The following SERPINB12 variants were observed in gnomAD, a reference collection of about 807,000 sequenced individuals.
SERPINB12 encodes serpin B12.
SERPINB12 carries 57 observed loss-of-function variants against 41.1 expected under a neutral mutation model. The ratio of observed to expected loss-of-function variants is 1.39; its 90% confidence interval spans 1.12 to 1.73. The LOEUF is 1.73. SERPINB12 is among the 40% of genes most tolerant of loss of function. The pLI is 0.00. For synonymous variants in SERPINB12, 180 were observed against 181.3 expected, an observed-to-expected ratio of 0.99 and a Z score of 0.06; for missense variants, 536 against 501.9, an observed-to-expected ratio of 1.07 and a Z score of -0.65.
intron 3 of SERPINB12, among the ~76,000 whole-genome samples, chr18:63,559,046 CT>C (rs1319103393): frequency 1.1e-5 from 1 of 91,612 alleles, no homozygotes; most frequent in African/African-American, 3.1e-5. Context: ...TTCTTTCTTT[CT>C]TTCTTTCTTT....
intron 6 of SERPINB12, 37 bp from the exon 7 acceptor site, chr18:63,565,408 A>G (rs540505524): frequency 3.1e-6 from 5 of 1,588,578 alleles, no homozygotes; most frequent in East Asian, 2.3e-5. Context: ...GGAGTTTCCC[A>G]TAGCCGTCCT....
the SERPINB12 span, among the ~76,000 whole-genome samples, chr18:63,523,428 G>A: frequency 6.6e-6 from 1 of 152,152 alleles, no homozygotes; most frequent in East Asian, 1.9e-4. Flanking sequence ...GATTGCTTCC[G>A]CATATGGGAA....
chr18:63,549,531 C>A (rs976954694), intron 1 of SERPINB12, among the ~76,000 whole-genome samples: 2 of 147,892 alleles, frequency 1.4e-5, no homozygotes, highest in African/African-American at 5.0e-5. Context: ...TCATGTAAGT[C>A]ACTCCCAATT....
rs529362878 is a variant in SERPINB12, at chr18:63,568,674, C to T, written c.*1663C>T. Among the ~76,000 whole-genome samples, 1 of 152,278 alleles carries T rather than the reference C, an allele frequency of 6.6e-6. No homozygotes were observed. Among genetic ancestry groups the T allele is most frequent in the South Asian group, 2.1e-4 (1 of 4,824 alleles). On this transcript the variant is annotated 3_prime_UTR_variant, in exon 8 of 8. Transcript: ENST00000382768. ...TGCTTGCGGCTCAGTTTCCTTGGCC[C>T]ACCTTGTGGCTGTCCTCCTCCCAGC...
the SERPINB12 span, among the ~76,000 whole-genome samples, chr18:63,530,240 G>A: frequency 6.6e-6 from 1 of 152,186 alleles, no homozygotes; most frequent in African/African-American, 2.4e-5. Context: ...CACAAGGATA[G>A]TGTTTTGAGG....
the SERPINB12 span, among the ~76,000 whole-genome samples, chr18:63,531,301 T>A: frequency 1.9e-3 from 295 of 152,352 alleles, 2 homozygotes; most frequent in African/African-American, 6.7e-3. Flanking sequence ...TTTGGATTAC[T>A]AATTTGTGCC....
At chr18:63,529,594 T>C in the SERPINB12 span, among the ~76,000 whole-genome samples, 1 of 152,166 alleles carries the variant, frequency 6.6e-6, no homozygotes, top group Non-Finnish European at 1.5e-5. Context: ...TTGACAGTTT[T>C]CTACTGGCCC....
intron 1 of SERPINB12, among the ~76,000 whole-genome samples, chr18:63,548,296 A>G (rs866889246): frequency 2.0e-5 from 3 of 151,540 alleles, no homozygotes; most frequent in South Asian, 2.1e-4. Context: ...AAAATGTTAC[A>G]CATTTCAGAT....
At chr18:63,546,993 T>A (rs1395168373) in intron 1 of SERPINB12, among the ~76,000 whole-genome samples, 1 of 152,188 alleles carries the variant, frequency 6.6e-6, no homozygotes, top group Non-Finnish European at 1.5e-5. Flanking sequence ...CAATGAACAC[T>A]GAATTGGAAA....
chr18:63,527,608 G>T, the SERPINB12 span, among the ~76,000 whole-genome samples: 1 of 152,128 alleles, frequency 6.6e-6, no homozygotes, highest in South Asian at 2.1e-4. Context: ...TCTATCTGCT[G>T]TAATTGAAGT....
Position 63,558,473 on chromosome 18 carries a change from C to G in SERPINB12, c.290C>G (p.Pro97Arg). 6.2e-7 allele frequency: 1 copy of G among 1,611,466 alleles called. No individual in the cohort carries two copies. Residue 97 changes from proline to arginine, a missense_variant, in exon 3 of 8, where the codon CCT (proline) becomes CGT (arginine). By Grantham distance (103) the Pro-to-Arg change is moderately radical. Coordinates refer to ENST00000382768, the MANE Select transcript of SERPINB12 (RefSeq NM_001307928.2). ...GAGGGGCAGAAAAAAACGACAGAGC[C>G]TCTGGATCAGCAGGTGAACCGCCAC... is the stretch of plus-strand genomic sequence containing the variant. Reference protein sequence around the residue: ...SLEGQKKTTEPLDQQAGSLNN... With the variant: ...SLEGQKKTTERLDQQAGSLNN...
chr18:63,551,267 TCAAACAAA>T (rs1012423640), intron 1 of SERPINB12, among the ~76,000 whole-genome samples: 1 of 151,794 alleles, frequency 6.6e-6, no homozygotes, highest in African/African-American at 2.4e-5. Context: ...AGACTCCATC[TCAAACAAA>T]CAAACAAAGA....
chr18:63,539,320 TA>T (rs1161561791), upstream of SERPINB12, among the ~76,000 whole-genome samples: 1 of 152,014 alleles, frequency 6.6e-6, no homozygotes, highest in African/African-American at 2.4e-5. Flanking sequence ...CTAAAGAAAA[TA>T]AAGTCTATTC....
chr18:63,565,452 AC>A lies in SERPINB12; in HGVS notation c.714del (p.Asn238LysfsTer4). Reference sequence around the variant, plus strand: ...CTACCTTGACTACTACAGAATGAAAACAAGAGTGTGAAGATGATGACGCAAA... The same window carrying A: ...CTACCTTGACTACTACAGAATGAAAAAAGAGTGTGAAGATGATGACGCAAA... The part of the protein sequence containing the change: ...DAPFCLNANE[N>X]KSVKMMTQKG... On this transcript the variant is annotated frameshift_variant, in exon 7 of 8. Transcript: ENST00000382768. LOFTEE classifies it high-confidence loss of function. 4 of 1,613,012 alleles carry A rather than the reference AC, an allele frequency of 2.5e-6. No individual in the cohort carries two copies. Among genetic ancestry groups the A allele is most frequent in the Non-Finnish European group, 3.4e-6 (4 of 1,179,574 alleles).
upstream of SERPINB12, among the ~76,000 whole-genome samples, chr18:63,537,662 C>T (rs1011011181): frequency 2.0e-5 from 3 of 152,078 alleles, no homozygotes; most frequent in Admixed American, 6.6e-5. Context: ...TCTAGGGAGG[C>T]AACTACAACA....
At chr18:63,544,636 C>G (rs2144315118) in intron 1 of SERPINB12, among the ~76,000 whole-genome samples, 1 of 152,192 alleles carries the variant, frequency 6.6e-6, no homozygotes, top group South Asian at 2.1e-4. Context: ...GGACAGCTGA[C>G]ATTTTTTCAA....
upstream of SERPINB12, among the ~76,000 whole-genome samples, chr18:63,537,491 A>G (rs1454101768): frequency 3.3e-5 from 5 of 152,220 alleles, no homozygotes; most frequent in African/African-American, 7.2e-5. Flanking sequence ...GTAATGATAG[A>G]GTTGGAACAG....
chr18:63,561,072 T>C lies in SERPINB12; in HGVS notation c.445-13T>C, dbSNP rs375718377. ...CTTTATTGCATTATTTCCCTTTTAT[T>C]CCAATGGAACAGGAATACTTAGATG... On this transcript the variant is annotated splice_polypyrimidine_tract_variant and intron_variant, in intron 4 of 7. Transcript: ENST00000382768. The C allele has an allele frequency of 1.6e-5, 25 of 1,534,454 alleles. No individual in the cohort carries two copies. Among genetic ancestry groups the C allele is most frequent in the Non-Finnish European group, 2.2e-5 (24 of 1,109,152 alleles).
chr18:63,537,845 C>G (rs1200850261), upstream of SERPINB12, among the ~76,000 whole-genome samples: 1 of 152,098 alleles, frequency 6.6e-6, no homozygotes, highest in East Asian at 1.9e-4. Flanking sequence ...AGTCTTTGCA[C>G]TTGGAGATGA....
Sources: gnomAD v4.1 joint callset for allele counts (sites outside exome capture counted in the v4.1 genomes callset) on GRCh38, gnomAD v4.1.1 for gene constraint, MANE v1.5 for transcripts, NCBI Gene and HGNC (gene_info 2026-07-23, HGNC 2026-07-21) for gene names.